The following CHCHD6 variants were observed in gnomAD, a reference collection of about 807,000 sequenced individuals.
CHCHD6 encodes coiled-coil-helix-coiled-coil-helix domain containing 6.
In CHCHD6, 28 loss-of-function variants were observed where a neutral mutation model predicts 32.3. The ratio of observed to expected loss-of-function variants is 0.87; its 90% CI spans 0.64 to 1.19. The LOEUF is 1.19. Ranked by LOEUF, CHCHD6 falls within the 50% of genes most tolerant of loss-of-function variation. CHCHD6 has a pLI of 0.00. For synonymous variants in CHCHD6, 122 were observed against 117.5 expected, an observed-to-expected ratio of 1.04 and a Z score of -0.25; for missense variants, 333 against 307.0, an observed-to-expected ratio of 1.08 and a Z score of -0.63.
intron 4 of CHCHD6, among the ~76,000 whole-genome samples, chr3:126,789,105 G>C (rs149460962): frequency 0.011 from 1,643 of 152,098 alleles, 34 homozygotes; most frequent in African/African-American, 0.037. Flanking sequence ...GGAGCAGGTT[G>C]TTCAGTTTCC....
intron 5 of CHCHD6, among the ~76,000 whole-genome samples, chr3:126,871,855 C>T (rs986311635): frequency 6.6e-6 from 1 of 151,756 alleles, no homozygotes; most frequent in Non-Finnish European, 1.5e-5. Flanking sequence ...TTAGCAGAGA[C>T]GGGGTTTCAC....
intron 5 of CHCHD6, among the ~76,000 whole-genome samples, chr3:126,889,022 A>G (rs553142210): frequency 2.0e-5 from 3 of 152,328 alleles, no homozygotes; most frequent in Middle Eastern, 3.4e-3. Flanking sequence ...GTGTGGTGCT[A>G]GGAGCCTCAG....
chr3:126,732,332 A>G (rs1011345772), intron 3 of CHCHD6, among the ~76,000 whole-genome samples: 1 of 152,184 alleles, frequency 6.6e-6, no homozygotes, highest in South Asian at 2.1e-4. Context: ...AATGTCATAG[A>G]TAATTTCATA....
rs1411629607 is a variant in CHCHD6, at chr3:126,721,916, G to T, written c.88-5162G>T. 2.6e-5 allele frequency among the ~76,000 whole-genome samples: 4 copies of T among 152,126 alleles called. No individual in the cohort carries two copies. The East Asian group carries it at 7.7e-4, about 29-fold the overall frequency. On this transcript the variant is annotated intron_variant, in intron 1 of 7. Coordinates refer to ENST00000290913, the MANE Select transcript of CHCHD6 (RefSeq NM_032343.3). ...TCAAGGTTTCTCCATGTTATAATGT[G>T]TCAGTAGTTCATTCCCTTTTATGGC... is the stretch of plus-strand genomic sequence containing the variant.
intron 4 of CHCHD6, among the ~76,000 whole-genome samples, chr3:126,751,901 T>C (rs1446322524): frequency 6.6e-6 from 1 of 152,202 alleles, no homozygotes; most frequent in African/African-American, 2.4e-5. Context: ...TGTACTGCCC[T>C]CTGAGGTTTA....
chr3:126,800,355 G>A (rs1939004706), intron 4 of CHCHD6, among the ~76,000 whole-genome samples: 1 of 152,150 alleles, frequency 6.6e-6, no homozygotes, highest in African/African-American at 2.4e-5. Context: ...GTGACAGCTG[G>A]AAAAGAGGTG....
At chr3:126,743,267 T>C (rs1484352409) in intron 4 of CHCHD6, among the ~76,000 whole-genome samples, 1 of 152,180 alleles carries the variant, frequency 6.6e-6, no homozygotes, top group East Asian at 1.9e-4. Context: ...GTGTATTCTT[T>C]GTTTAAGAAG....
intron 6 of CHCHD6, among the ~76,000 whole-genome samples, chr3:126,942,920 G>A (rs961993126): frequency 6.6e-6 from 1 of 152,144 alleles, no homozygotes; most frequent in African/African-American, 2.4e-5. Context: ...GTGTGGGGGG[G>A]AGTATTTCAC....
chr3:126,712,795 G>A (rs1934811993), intron 1 of CHCHD6, among the ~76,000 whole-genome samples: 1 of 152,178 alleles, frequency 6.6e-6, no homozygotes, highest in Non-Finnish European at 1.5e-5. Context: ...CCAACCCAGA[G>A]CTTTCTAAAT....
intron 4 of CHCHD6, among the ~76,000 whole-genome samples, chr3:126,813,582 G>C (rs1300932099): frequency 2.0e-5 from 3 of 152,198 alleles, no homozygotes; most frequent in Non-Finnish European, 4.4e-5. Context: ...CACAATTTGA[G>C]AAAGGCATTA....
chr3:126,755,751 T>C (rs954270484), intron 4 of CHCHD6, among the ~76,000 whole-genome samples: 8 of 152,170 alleles, frequency 5.3e-5, no homozygotes, highest in Admixed American at 2.6e-4. Context: ...GAGATGGGAA[T>C]GAAGTCAAGG....
intron 4 of CHCHD6, among the ~76,000 whole-genome samples, chr3:126,808,418 G>A (rs1939510425): frequency 6.6e-6 from 1 of 152,166 alleles, no homozygotes; most frequent in African/African-American, 2.4e-5. Context: ...CATCGGGGCT[G>A]TCTTAGAGGG....
chr3:126,834,051 C>G (rs1192740604), intron 4 of CHCHD6, among the ~76,000 whole-genome samples: 1 of 58,320 alleles, frequency 1.7e-5, no homozygotes, highest in Admixed American at 2.5e-4. Flanking sequence ...GAGACTCCGT[C>G]TCAAAAAAAA....
chr3:126,838,166 G>A (rs1247723368), intron 4 of CHCHD6, among the ~76,000 whole-genome samples: 2 of 152,232 alleles, frequency 1.3e-5, no homozygotes, highest in Admixed American at 1.3e-4. Context: ...GGGCTGCAGA[G>A]AGCCTACAGT....
chr3:126,731,382 C>G (rs978403759), intron 3 of CHCHD6, among the ~76,000 whole-genome samples: 10 of 152,142 alleles, frequency 6.6e-5, no homozygotes, highest in African/African-American at 2.4e-4. Flanking sequence ...GGCACAGAGG[C>G]CCCAGTGGAG....
At chr3:126,763,762 C>T (rs1403986984) in intron 4 of CHCHD6, among the ~76,000 whole-genome samples, 1 of 152,038 alleles carries the variant, frequency 6.6e-6, no homozygotes, top group East Asian at 1.9e-4. Context: ...AAAATCTCTG[C>T]CAATTCATGG....
At chr3:126,942,892 G>A (rs904602163) in intron 6 of CHCHD6, among the ~76,000 whole-genome samples, 5 of 152,188 alleles carry the variant, frequency 3.3e-5, no homozygotes, top group African/African-American at 4.8e-5. Context: ...CAGTGCATGC[G>A]TGAGGACTGC....
At chr3:126,805,921 G>C (rs1048454005) in intron 4 of CHCHD6, among the ~76,000 whole-genome samples, 7 of 152,144 alleles carry the variant, frequency 4.6e-5, no homozygotes, top group Non-Finnish European at 8.8e-5. Flanking sequence ...ATTGATCTTT[G>C]ACAAACCTGA....
intron 1 of CHCHD6, among the ~76,000 whole-genome samples, chr3:126,722,703 T>C (rs1052558745): frequency 6.6e-6 from 1 of 152,246 alleles, no homozygotes; most frequent in African/African-American, 2.4e-5. Flanking sequence ...TAGATAAAAG[T>C]TCCTTATCAG....
Sources: gnomAD v4.1 joint callset for allele counts (sites outside exome capture counted in the v4.1 genomes callset) on GRCh38, gnomAD v4.1.1 for gene constraint, MANE v1.5 for transcripts, NCBI Gene and HGNC (gene_info 2026-07-23, HGNC 2026-07-21) for gene names.